Variants in PARD3B observed in about 807,000 individuals in gnomAD.
The protein encoded by PARD3B is partitioning defective 3 homolog B.
In PARD3B, 103 loss-of-function variants were observed where a neutral mutation model predicts 130.2. The observed-to-expected ratio is 0.79, with a 90% CI of 0.67 to 0.93. The LOEUF (loss-of-function observed/expected upper bound fraction) is 0.93. Ranked by LOEUF, PARD3B falls within the 40% of genes least tolerant of loss-of-function variation. PARD3B has a pLI of 0.00. For synonymous variants in PARD3B, 583 were observed against 553.2 expected (o/e 1.05, Z -0.76); for missense variants, 1,609 against 1,499.2 (o/e 1.07, Z -1.21).
chr2:204,789,700 G>A (rs1003702818), intron 2 of PARD3B, among the ~76,000 whole-genome samples: 1 of 151,930 alleles, frequency 6.6e-6, no homozygotes, highest in African/African-American at 2.4e-5. Context: ...TAGTCTATTT[G>A]TTCTCGGAAA....
rs1188254201 is a variant in PARD3B at position 205,499,789 on chromosome 2, T to C, written c.3045-107T>C. On this transcript the variant is annotated intron_variant, in intron 20 of 22. Transcript: ENST00000406610. ...TTCCTGGCATATTTGAATTACATTA[T>C]TGAATCTTCCAAATTTAGATGTCAA... The C allele has an allele frequency of 2.4e-6, 3 of 1,241,546 alleles. No homozygotes were observed. In the African/African-American group the frequency reaches 4.5e-5, roughly 19 times the overall value. 76.9% of individuals were successfully genotyped at this position (1,241,546 alleles called of 1,614,324 possible).
chr2:204,987,454 G>A (rs920039816), intron 3 of PARD3B, among the ~76,000 whole-genome samples: 8 of 152,056 alleles, frequency 5.3e-5, no homozygotes, highest in African/African-American at 1.4e-4. Context: ...CTGTAGTTTG[G>A]GGAGATAAAT....
intron 5 of PARD3B, among the ~76,000 whole-genome samples, chr2:205,108,949 A>G (rs983160434): frequency 4.7e-4 from 71 of 152,258 alleles, no homozygotes; most frequent in African/African-American, 1.7e-3. Flanking sequence ...AGGTTAGTAC[A>G]CTGCCTCCCA....
intron 22 of PARD3B, among the ~76,000 whole-genome samples, chr2:205,613,621 C>T (rs751060924): frequency 6.6e-6 from 1 of 152,296 alleles, no homozygotes; most frequent in East Asian, 1.9e-4. Context: ...ATAATAGCAG[C>T]TGATGCTATA....
chr2:204,789,156 A>G (rs1324212465), intron 2 of PARD3B, among the ~76,000 whole-genome samples: 4 of 152,164 alleles, frequency 2.6e-5, no homozygotes, highest in Non-Finnish European at 5.9e-5. Context: ...TCCTGGGCTC[A>G]AGCAGTCTTC....
chr2:205,283,113 C>T (rs1331133349), intron 16 of PARD3B, among the ~76,000 whole-genome samples: 1 of 152,182 alleles, frequency 6.6e-6, no homozygotes, highest in African/African-American at 2.4e-5. Context: ...GGCTGCTCCG[C>T]TCTATCTTAA....
chr2:205,298,590 A>G (rs1286081887), intron 16 of PARD3B, among the ~76,000 whole-genome samples: 1 of 152,098 alleles, frequency 6.6e-6, no homozygotes, highest in East Asian at 1.9e-4. Flanking sequence ...CTACATTAAT[A>G]GCCAGTAGGG....
In PARD3B at chr2:205,281,938, C is replaced by CA. The variant is rs2041206331; in HGVS notation, c.2186-18591dup. Among the ~76,000 whole-genome samples the CA allele has an allele frequency of 6.6e-6, 1 of 152,192 alleles. No individual in the cohort carries two copies. Among genetic ancestry groups the CA allele is most frequent in the South Asian group, 2.1e-4 (1 of 4,830 alleles). On this transcript the variant is annotated intron_variant, in intron 16 of 22. Coordinates refer to ENST00000406610, the MANE Select transcript of PARD3B (RefSeq NM_001302769.2). The surrounding 1 kb of genome is among the most constrained non-coding windows in gnomAD (Gnocchi z 4.2). Reference sequence around the variant, plus strand: ...TGTGTCTTCCTGGTTTTAACTTACACACATCAGTAGCTTTTGTTCACTTTG... The same window carrying CA: ...TGTGTCTTCCTGGTTTTAACTTACACAACATCAGTAGCTTTTGTTCACTTTG...
rs956081018 is a variant in PARD3B at position 205,021,493 on chromosome 2, A to G, written c.395-26088A>G. ...AGCCTCTGGAAGTGGTAACTTTGGA[A>G]GGACTGGTTGCAAAGTGGAACCAGA... On this transcript the variant is annotated intron_variant, in intron 3 of 22. Coordinates refer to ENST00000406610, the MANE Select transcript of PARD3B (RefSeq NM_001302769.2). This position sits in a 1 kb window ranked among gnomAD's most constrained non-coding sequence, Gnocchi z 4.5. 1.3e-5 allele frequency among the ~76,000 whole-genome samples: 2 copies of G among 152,020 alleles called. No individual in the cohort carries two copies. Among genetic ancestry groups the G allele is most frequent in the Non-Finnish European group, 2.9e-5 (2 of 67,996 alleles).
intron 1 of PARD3B, among the ~76,000 whole-genome samples, chr2:204,626,332 T>C (rs2034486426): frequency 6.6e-6 from 1 of 152,202 alleles, no homozygotes; most frequent in South Asian, 2.1e-4. Flanking sequence ...TACTCAGCTA[T>C]GAATTCCTTG....
chr2:205,574,241 T>C (rs935135422), intron 22 of PARD3B, among the ~76,000 whole-genome samples: 1 of 151,916 alleles, frequency 6.6e-6, no homozygotes, highest in Non-Finnish European at 1.5e-5. Context: ...ATTAAAAGAG[T>C]CGAAAGTTTG....
At chr2:204,753,568 A>G (rs2040549736) in intron 2 of PARD3B, among the ~76,000 whole-genome samples, 1 of 152,122 alleles carries the variant, frequency 6.6e-6, no homozygotes, top group African/African-American at 2.4e-5. Context: ...TGGAAGACCC[A>G]TGGCCTAGTT....
chr2:204,913,853 A>G (rs2047340770), intron 2 of PARD3B, among the ~76,000 whole-genome samples: 1 of 152,214 alleles, frequency 6.6e-6, no homozygotes, highest in Non-Finnish European at 1.5e-5. Context: ...AATTGCTTAG[A>G]CCTGTCTACT....
At chr2:205,544,938 A>G (rs2052320406) in intron 21 of PARD3B, among the ~76,000 whole-genome samples, 1 of 152,246 alleles carries the variant, frequency 6.6e-6, no homozygotes. Flanking sequence ...CAGTGTGGTT[A>G]AAAGACTTAT....
intron 2 of PARD3B, among the ~76,000 whole-genome samples, chr2:204,833,651 C>A (rs1441951287): frequency 6.6e-6 from 1 of 152,036 alleles, no homozygotes; most frequent in African/African-American, 2.4e-5. Context: ...AGGGGAGTTT[C>A]CCTGCACAAG....
Position 205,291,169 on chromosome 2 carries a change from C to T in PARD3B, c.2186-9361C>T, listed in dbSNP as rs2041594664. ...GTTTTTAAGTGCATGCTTAAAAAAG[C>T]CCACATTGTCATGACTGAACTTTTA... On this transcript the variant is annotated intron_variant, in intron 16 of 22. Transcript: ENST00000406610. This position sits in a 1 kb window ranked among gnomAD's most constrained non-coding sequence, Gnocchi z 4.6. 6.6e-6 allele frequency among the ~76,000 whole-genome samples: 1 copy of T among 152,034 alleles called. No individual in the cohort carries two copies. Among genetic ancestry groups the T allele is most frequent in the Non-Finnish European group, 1.5e-5 (1 of 68,018 alleles).
At chr2:205,423,519 G>A (rs757674362) in intron 19 of PARD3B, among the ~76,000 whole-genome samples, 12 of 152,210 alleles carry the variant, frequency 7.9e-5, no homozygotes, top group Non-Finnish European at 1.2e-4. Context: ...GCCTGGACAT[G>A]TGAGAATATT....
At chr2:205,601,994 ATGATATTGGCTGTGGGTTTG>A (rs1369579822) in intron 22 of PARD3B, among the ~76,000 whole-genome samples, 3 of 152,106 alleles carry the variant, frequency 2.0e-5, no homozygotes, top group Non-Finnish European at 2.9e-5. Context: ...CCCATTCAGT[ATGATATTGGCTGTGGGTTTG>A]TGATATATGG....
chr2:204,794,978 T>TA (rs1261998518), intron 2 of PARD3B, among the ~76,000 whole-genome samples: 5 of 152,216 alleles, frequency 3.3e-5, no homozygotes, highest in African/African-American at 4.8e-5. Flanking sequence ...TGTTTCTGCA[T>TA]AAAGTTAGTT....
Sources: allele counts gnomAD v4.1 joint callset (sites outside exome capture counted in the v4.1 genomes callset), GRCh38; gene constraint gnomAD v4.1.1; non-coding constraint Gnocchi (gnomAD v3.1); transcripts MANE v1.5; gene names NCBI Gene and HGNC (gene_info 2026-07-23, HGNC 2026-07-21).